Variants in ZCCHC7 observed in about 807,000 individuals in gnomAD.
The protein encoded by ZCCHC7 is zinc finger CCHC domain-containing protein 7.
In ZCCHC7, 35 loss-of-function variants were observed where a neutral mutation model predicts 52.0. The ratio of observed to expected loss-of-function variants is 0.67; its 90% CI spans 0.51 to 0.89. The LOEUF is 0.89. Among genes scored for constraint, ZCCHC7 ranks in the 40% least tolerant of loss-of-function variants. The pLI, the probability that ZCCHC7 is intolerant of heterozygous loss-of-function variation, is 0.00. For missense variants in ZCCHC7, 574 were observed against 649.1 expected, an observed-to-expected ratio of 0.88 and a Z score of 1.26; for synonymous variants, 217 against 221.5, an observed-to-expected ratio of 0.98 and a Z score of 0.18.
At chr9:37,165,888 C>T (rs377250289) in intron 2 of ZCCHC7, among the ~76,000 whole-genome samples, 10 of 152,176 alleles carry the variant, frequency 6.6e-5, no homozygotes, top group Admixed American at 5.2e-4. Flanking sequence ...AATTAGTCTT[C>T]GGCCAACTGA....
intron 2 of ZCCHC7, among the ~76,000 whole-genome samples, chr9:37,167,859 A>G (rs1378652390): frequency 6.6e-6 from 1 of 152,174 alleles, no homozygotes; most frequent in Non-Finnish European, 1.5e-5. Context: ...GGAAATAGAC[A>G]CTATTCCCAT....
At chr9:37,247,020 A>G (rs1826109329) in intron 2 of ZCCHC7, among the ~76,000 whole-genome samples, 1 of 152,148 alleles carries the variant, frequency 6.6e-6, no homozygotes, top group Non-Finnish European at 1.5e-5. Flanking sequence ...TACAACAGAT[A>G]TCTTTAACTT....
chr9:37,181,171 T>G (rs1822332435), intron 2 of ZCCHC7, among the ~76,000 whole-genome samples: 1 of 152,184 alleles, frequency 6.6e-6, no homozygotes, highest in Non-Finnish European at 1.5e-5. Context: ...TTTTGTAGCT[T>G]TCTTTGTTAT....
At chr9:37,123,274 TTAAAAGGGTAAATTA>T (rs1275960294) in intron 1 of ZCCHC7, among the ~76,000 whole-genome samples, 1 of 151,994 alleles carries the variant, frequency 6.6e-6, no homozygotes, top group Non-Finnish European at 1.5e-5. Flanking sequence ...AAGACACTTT[TTAAAAGGGTAAATTA>T]AATTCATTTG....
intron 5 of ZCCHC7, among the ~76,000 whole-genome samples, chr9:37,319,229 T>C (rs192502266): frequency 1.4e-3 from 214 of 152,338 alleles, no homozygotes; most frequent in African/African-American, 4.5e-3. Context: ...GTTAATTTTC[T>C]TCTTATTGGC....
At chr9:37,149,441 CCT>C (rs1233699355) in intron 2 of ZCCHC7, among the ~76,000 whole-genome samples, 2 of 151,992 alleles carry the variant, frequency 1.3e-5, no homozygotes, top group Non-Finnish European at 2.9e-5. Context: ...AAAATACCCC[CCT>C]GTCCCCAACA....
chr9:37,318,270 T>C (rs935012334), intron 5 of ZCCHC7, among the ~76,000 whole-genome samples: 1 of 151,966 alleles, frequency 6.6e-6, no homozygotes, highest in African/African-American at 2.4e-5. Flanking sequence ...GAGATCAGCC[T>C]GGACAACATG....
chr9:37,207,719 C>G (rs1267144644), intron 2 of ZCCHC7, among the ~76,000 whole-genome samples: 1 of 151,898 alleles, frequency 6.6e-6, no homozygotes, highest in African/African-American at 2.4e-5. Flanking sequence ...ACTTTTCCTT[C>G]TGTCATATCC....
At chr9:37,230,142 GT>G (rs1825326909) in intron 2 of ZCCHC7, among the ~76,000 whole-genome samples, 1 of 152,064 alleles carries the variant, frequency 6.6e-6, no homozygotes, top group South Asian at 2.1e-4. Context: ...CTGTTTTACT[GT>G]TAACTTTTTT....
chr9:37,249,266 T>A (rs923705821), intron 2 of ZCCHC7, among the ~76,000 whole-genome samples: 1 of 152,094 alleles, frequency 6.6e-6, no homozygotes, highest in Admixed American at 6.5e-5. Context: ...TCCAGTGCCG[T>A]ATCTGAATAT....
Position 37,178,078 on chromosome 9 carries a change from G to A in ZCCHC7, c.610+51136G>A, listed in dbSNP as rs565468647. Among the ~76,000 whole-genome samples, 9 of 152,250 alleles carry A rather than the reference G, an allele frequency of 5.9e-5. No homozygotes were observed. The South Asian group carries it at 1.5e-3, about 25-fold the overall frequency. ...CTGGCTGTGGTGCACATGAGAACTC[G>A]TTGTACTATCTTCACAATTTTTCTG... On this transcript the variant is annotated intron_variant, in intron 2 of 8. Coordinates refer to ENST00000336755, the MANE Select transcript of ZCCHC7 (RefSeq NM_032226.3).
At chr9:37,254,573 C>T (rs935701547) in intron 2 of ZCCHC7, among the ~76,000 whole-genome samples, 7 of 151,746 alleles carry the variant, frequency 4.6e-5, no homozygotes, top group South Asian at 2.1e-4. Context: ...GGTTTAAGCC[C>T]GCTAATATGT....
intron 2 of ZCCHC7, among the ~76,000 whole-genome samples, chr9:37,299,855 C>G (rs552803795): frequency 2.3e-4 from 35 of 152,308 alleles, no homozygotes; most frequent in African/African-American, 8.4e-4. Context: ...GTTGTTAGTA[C>G]AGTTGACCCT....
intron 5 of ZCCHC7, among the ~76,000 whole-genome samples, chr9:37,312,912 A>C (rs1354893673): frequency 2.6e-5 from 4 of 152,242 alleles, no homozygotes. Flanking sequence ...AAGAATAAAT[A>C]ATTAAAATTA....
At chr9:37,289,750 C>T (rs549779353) in intron 2 of ZCCHC7, among the ~76,000 whole-genome samples, 1 of 152,240 alleles carries the variant, frequency 6.6e-6, no homozygotes, top group African/African-American at 2.4e-5. Context: ...GCCTACAAAG[C>T]CCTTCATAAA....
chr9:37,225,785 A>C (rs1469240439), intron 2 of ZCCHC7, among the ~76,000 whole-genome samples: 1 of 152,232 alleles, frequency 6.6e-6, no homozygotes, highest in African/African-American at 2.4e-5. Flanking sequence ...CTAGGAGTAC[A>C]AGGGGCACTT....
chr9:37,277,979 G>A (rs1260224358), intron 2 of ZCCHC7, among the ~76,000 whole-genome samples: 1 of 150,866 alleles, frequency 6.6e-6, no homozygotes, highest in East Asian at 1.9e-4. Context: ...CCCAGATATA[G>A]TAATTAGAAA....
At chr9:37,148,624 A>G (rs895798784) in intron 2 of ZCCHC7, among the ~76,000 whole-genome samples, 1 of 151,938 alleles carries the variant, frequency 6.6e-6, no homozygotes, top group African/African-American at 2.4e-5. Flanking sequence ...TAACTCATAG[A>G]TGAAAGACAT....
At chr9:37,283,232 A>G (rs1828056330) in intron 2 of ZCCHC7, among the ~76,000 whole-genome samples, 1 of 152,304 alleles carries the variant, frequency 6.6e-6, no homozygotes, top group South Asian at 2.1e-4. Flanking sequence ...TTTGGGAGAA[A>G]TAAAGATAGG....
Sources: gnomAD v4.1 joint callset for allele counts (sites outside exome capture counted in the v4.1 genomes callset) on GRCh38, gnomAD v4.1.1 for gene constraint, MANE v1.5 for transcripts, NCBI Gene and HGNC (gene_info 2026-07-23, HGNC 2026-07-21) for gene names.